The following MAPK13 variants were observed in gnomAD, a reference collection of about 807,000 sequenced individuals.
The protein encoded by MAPK13 is mitogen-activated protein kinase 13.
Under a neutral mutation model 53.5 loss-of-function variants are expected in MAPK13, and 39 were observed. The ratio of observed to expected loss-of-function variants is 0.73; its 90% CI spans 0.56 to 0.95. MAPK13 has a LOEUF of 0.95. Among genes scored for constraint, MAPK13 ranks in the 40% least tolerant of loss-of-function variants. MAPK13 has a pLI of 0.00. For missense variants in MAPK13, 460 were observed against 471.8 expected (o/e 0.98, Z 0.23); for synonymous variants, 179 against 190.9 (o/e 0.94, Z 0.51).
chr6:36,133,789 G>T (rs528140878), intron 3 of MAPK13, among the ~76,000 whole-genome samples: 1 of 152,304 alleles, frequency 6.6e-6, no homozygotes, highest in East Asian at 1.9e-4. Flanking sequence ...AGATAGTATT[G>T]ATTCAGATAT....
chr6:36,135,094 C>T (rs1008012223), intron 3 of MAPK13, among the ~76,000 whole-genome samples: 20 of 152,228 alleles, frequency 1.3e-4, no homozygotes, highest in African/African-American at 4.8e-4. Flanking sequence ...CTCAAGCGAT[C>T]GTCCAGCCTC....
At chr6:36,138,249 G>A in intron 8 of MAPK13, 116 bp from the exon 9 acceptor site, 5 of 751,248 alleles carry the variant, frequency 6.7e-6, no homozygotes, top group Admixed American at 2.1e-5. Flanking sequence ...GTTAGGCAGG[G>A]CTGGAGCCTG....
At chr6:36,132,110 C>A (rs1766334256) in intron 2 of MAPK13, among the ~76,000 whole-genome samples, 1 of 152,244 alleles carries the variant, frequency 6.6e-6, no homozygotes, top group Non-Finnish European at 1.5e-5. Context: ...TAAGCCCATC[C>A]TTCTCCAGCA....
At chr6:36,137,140 T>C (rs1476166088) in intron 8 of MAPK13, among the ~76,000 whole-genome samples, 190 bp downstream of exon 8, 2 of 151,034 alleles carry the variant, frequency 1.3e-5, no homozygotes, top group Admixed American at 1.3e-4. Flanking sequence ...GAGGCTGAGG[T>C]GGAAGGATCC....
Position 36,136,538 on chromosome 6 carries a change from GGGC to G in MAPK13, c.495+8_495+10del, listed in dbSNP as rs1766420309. ...TGAGGACTGTGAACTGAAGGTGAGT[GGGC>G]TGCAGGCTCAGCCCAGAGGCGGGAT... On this transcript the variant is annotated splice_region_variant and intron_variant, in intron 6 of 11. Coordinates refer to ENST00000211287, the MANE Select transcript of MAPK13 (RefSeq NM_002754.5). 6.2e-7 allele frequency: 1 copy of G among 1,603,056 alleles called. No homozygotes were observed. The highest frequency in any genetic ancestry group is 8.5e-7 in the Non-Finnish European group (1 of 1,174,632).
At chr6:36,132,072 G>C (rs903478656) in intron 2 of MAPK13, among the ~76,000 whole-genome samples, 11 of 152,228 alleles carry the variant, frequency 7.2e-5, no homozygotes, top group African/African-American at 2.7e-4. Context: ...ACATTTCAAA[G>C]AATGATTTCA....
At chr6:36,137,642 CCT>C in intron 8 of MAPK13, among the ~76,000 whole-genome samples, 1 of 146,770 alleles carries the variant, frequency 6.8e-6, no homozygotes, top group Non-Finnish European at 1.5e-5. Context: ...AGAGGGAGAC[CCT>C]AACTCAAAAA....
At position 36,130,634 on chromosome 6, in the gene MAPK13, G is replaced by T. The variant is rs1282354733; in HGVS notation, c.52G>T (p.Ala18Ser). 2 of 1,586,806 alleles carry T rather than the reference G, an allele frequency of 1.3e-6. No individual in the cohort carries two copies. The change falls in exon 1 of 12, where the codon GCC becomes TCC. Residue 18 changes from alanine (A) to serine (S), a missense_variant. Physicochemically the swap from Ala to Ser is moderately conservative, Grantham distance 99 (BLOSUM62 1). Coordinates refer to ENST00000211287, the MANE Select transcript of MAPK13 (RefSeq NM_002754.5). This position sits in a 1 kb window ranked among gnomAD's most constrained non-coding sequence, Gnocchi z 4.5. ...CTACAAGCAGGACGTCAACAAGACA[G>T]CCTGGGAGCTGCCCAAGACCTACGT... ...GFYKQDVNKT[A>S]WELPKTYVSP...
Position 36,130,989 on chromosome 6 carries a change from C to A in MAPK13, c.120-282C>A. On this transcript the variant is annotated intron_variant, in intron 1 of 11. Transcript: ENST00000211287. This position sits in a 1 kb window ranked among gnomAD's most constrained non-coding sequence, Gnocchi z 4.5. ...ACTGTTACAGACGAGTACACCGAGG[C>A]CCCAAGAGGGGGAGGTGGCTCGCCA... 1.9e-6 allele frequency: 1 copy of A among 528,278 alleles called. No individual in the cohort carries two copies. Among genetic ancestry groups the A allele is most frequent in the Non-Finnish European group, 3.4e-6 (1 of 296,840 alleles). The allele number at this position is 528,278 out of a possible 1,614,324, so 32.7% of individuals were successfully genotyped here. A position where few individuals can be genotyped will look rare whatever the true frequency, so the allele number is the denominator to read the frequency against.
Position 36,140,188 on chromosome 6 carries a change from G to A in MAPK13, c.*815G>A, listed in dbSNP as rs1415645952. 6.6e-6 allele frequency: 1 copy of A among 152,226 alleles called. No homozygotes were observed. The highest frequency in any genetic ancestry group is 1.5e-5 in the Non-Finnish European group (1 of 68,044). The allele number at this position is 152,226 out of a possible 1,614,324, so 9.4% of individuals were successfully genotyped here. A position where few individuals can be genotyped will look rare whatever the true frequency, so the allele number is the denominator to read the frequency against. ...CAATGTGTTTGGCTGCTAAATTAAGGGAGTTGCAGAGAGAGCTGCAGCTGG... is the reference window on the plus strand; with the variant it reads ...CAATGTGTTTGGCTGCTAAATTAAGAGAGTTGCAGAGAGAGCTGCAGCTGG... On this transcript the variant is annotated 3_prime_UTR_variant, in exon 12 of 12. Coordinates refer to ENST00000211287, the MANE Select transcript of MAPK13 (RefSeq NM_002754.5).
At chr6:36,131,079 C>T in intron 1 of MAPK13, 192 bp from the exon 2 acceptor site, 1 of 606,806 alleles carries the variant, frequency 1.6e-6, no homozygotes, top group Non-Finnish European at 2.8e-6. Flanking sequence ...GTTGCTGCCC[C>T]TGGCGCTGTG....
rs746424319 is a variant in MAPK13, at chr6:36,131,327, C to A, written c.176C>A (p.Pro59His). 5.6e-6 allele frequency: 9 copies of A among 1,613,916 alleles called. No individual in the cohort carries two copies. Among genetic ancestry groups the A allele is most frequent in the East Asian group, 4.5e-5 (2 of 44,870 alleles). ...EKVAIKKLSR[P>H]FQSEIFAKRA... ...GTGGCCATCAAGAAGCTGAGCCGAC[C>A]CTTTCAGTCCGAGATCTTCGCCAAG... is the stretch of plus-strand genomic sequence containing the variant. Residue 59 changes from proline to histidine, a missense_variant, in exon 2 of 12, where the codon CCC (proline) becomes CAC (histidine). Physicochemically the swap from Pro to His is moderately conservative, Grantham distance 77 (BLOSUM62 -2). Transcript: ENST00000211287.
In MAPK13 at chr6:36,144,319, G is replaced by A. The variant is rs878887607; in HGVS notation, c.*4946G>A. On this transcript the variant is annotated 3_prime_UTR_variant, in exon 12 of 12. Transcript: ENST00000211287. ...TATTAACATATTGAATAAAAAGATC[G>A]AGGGTAGGCCTATTAAACAATGGTA... 5.3e-5 allele frequency: 8 copies of A among 152,082 alleles called. No homozygotes were observed. Among genetic ancestry groups the A allele is most frequent in the Admixed American group, 3.3e-4 (5 of 15,272 alleles). 9.4% of individuals were successfully genotyped at this position (152,082 alleles called of 1,614,324 possible).
chr6:36,130,996 A>AG lies in MAPK13; in HGVS notation c.120-270dup. 1 of 525,282 alleles carries AG rather than the reference A, an allele frequency of 1.9e-6. No homozygotes were observed. The highest frequency in any genetic ancestry group is 3.4e-6 in the Non-Finnish European group (1 of 295,166). The allele number at this position is 525,282 out of a possible 1,614,324, so 32.5% of individuals were successfully genotyped here. On this transcript the variant is annotated intron_variant, in intron 1 of 11. Transcript: ENST00000211287. The surrounding 1 kb of genome is among the most constrained non-coding windows in gnomAD (Gnocchi z 4.5). The stretch of plus-strand genomic sequence containing the variant: ...CAGACGAGTACACCGAGGCCCCAAG[A>AG]GGGGGAGGTGGCTCGCCAAGTTGCA...
rs1332546304 is a variant in MAPK13 at position 36,142,881 on chromosome 6, G to A, written c.*3508G>A. The A allele has an allele frequency of 6.6e-6, 1 of 151,808 alleles. No individual in the cohort carries two copies. The highest frequency in any genetic ancestry group is 1.5e-5 in the Non-Finnish European group (1 of 67,992). 9.4% of individuals were successfully genotyped at this position (151,808 alleles called of 1,614,324 possible). A position where few individuals can be genotyped will look rare whatever the true frequency, so the allele number is the denominator to read the frequency against. The stretch of plus-strand genomic sequence containing the variant: ...TCAGCAGTGCAAGGTGGGGGGTGGA[G>A]GGGGTGGGGAGTAGAGGGAGTGGGG... On this transcript the variant is annotated 3_prime_UTR_variant, in exon 12 of 12. Coordinates refer to ENST00000211287, the MANE Select transcript of MAPK13 (RefSeq NM_002754.5). This position sits in a 1 kb window ranked among gnomAD's most constrained non-coding sequence, Gnocchi z 4.4.
chr6:36,136,139 G>C (rs1430197077), intron 5 of MAPK13, 91 bp downstream of exon 5: 1 of 1,510,514 alleles, frequency 6.6e-7, no homozygotes, highest in Non-Finnish European at 9.2e-7. Context: ...GAAAGTTGGA[G>C]GGAGGGGACA....
Position 36,136,953 on chromosome 6 carries a change from A to G in MAPK13, c.682+3A>G, listed in dbSNP as rs764740853. 153 of 1,613,548 alleles carry G rather than the reference A, an allele frequency of 9.5e-5. No individual in the cohort carries two copies. The highest frequency in any genetic ancestry group is 2.2e-4 in the Admixed American group (13 of 59,812). ...AACTCTGTTCAAGGGGAAAGATTGTATCCTTTGCTGGAAAAGCCAAACTCC... is the reference window on the plus strand; with the variant it reads ...AACTCTGTTCAAGGGGAAAGATTGTGTCCTTTGCTGGAAAAGCCAAACTCC... On this transcript the variant is annotated splice_donor_region_variant and intron_variant, in intron 8 of 11. Coordinates refer to ENST00000211287, the MANE Select transcript of MAPK13 (RefSeq NM_002754.5).
At chr6:36,138,677 G>A in intron 9 of MAPK13, 25 bp from the exon 10 acceptor site, 1 of 1,607,850 alleles carries the variant, frequency 6.2e-7, no homozygotes. Flanking sequence ...AGCCCTAAGG[G>A]GTTTGATGCT....
intron 3 of MAPK13, among the ~76,000 whole-genome samples, chr6:36,134,306 G>A (rs1437669672): frequency 6.6e-6 from 1 of 152,100 alleles, no homozygotes; most frequent in Non-Finnish European, 1.5e-5. Flanking sequence ...GATGCCTCCA[G>A]CATGTCCTTT....
Sources: allele counts gnomAD v4.1 joint callset (sites outside exome capture counted in the v4.1 genomes callset), GRCh38; gene constraint gnomAD v4.1.1; non-coding constraint Gnocchi (gnomAD v3.1); transcripts MANE v1.5; gene names NCBI Gene and HGNC (gene_info 2026-07-23, HGNC 2026-07-21).